Variants in CTNND2 observed in about 807,000 individuals in gnomAD.
CTNND2 encodes the protein catenin delta-2.
A neutral mutation model predicts 144.4 loss-of-function variants in CTNND2; 22 were observed. The observed-to-expected ratio is 0.15, with a 90% CI of 0.11 to 0.22. The LOEUF is 0.22. CTNND2 is among the 10% of genes least tolerant of loss of function. The pLI, the probability that CTNND2 is intolerant of heterozygous loss-of-function variation, is 1.00. For synonymous variants in CTNND2, 751 were observed against 695.6 expected (o/e 1.08, Z -1.25); for missense variants, 1,353 against 1,618.8 (o/e 0.84, Z 2.82).
intron 9 of CTNND2, among the ~76,000 whole-genome samples, chr5:11,279,817 A>G (rs1001603603): frequency 5.3e-5 from 8 of 152,152 alleles, no homozygotes; most frequent in Non-Finnish European, 8.8e-5. Context: ...GGAGCAAGAG[A>G]GAGAGAGCAT....
chr5:11,818,004 T>A, intron 1 of CTNND2, among the ~76,000 whole-genome samples: 1 of 93,282 alleles, frequency 1.1e-5, no homozygotes, highest in African/African-American at 3.6e-5. Flanking sequence ...TTTTTTTTTT[T>A]CAGTTCTCCT....
intron 11 of CTNND2, among the ~76,000 whole-genome samples, chr5:11,181,872 T>C (rs1397883158): frequency 7.0e-6 from 1 of 143,338 alleles, no homozygotes; most frequent in Non-Finnish European, 1.5e-5. Context: ...GTGTTATGTG[T>C]GGCGTGTGTG....
intron 3 of CTNND2, among the ~76,000 whole-genome samples, chr5:11,468,940 C>T (rs933649429): frequency 6.6e-6 from 1 of 152,130 alleles, no homozygotes; most frequent in Non-Finnish European, 1.5e-5. Context: ...AGGGTTTCTA[C>T]ATAAGTCTCC....
At chr5:11,483,273 TACCATTTCCTG>T (rs1222680413) in intron 3 of CTNND2, among the ~76,000 whole-genome samples, 1 of 152,154 alleles carries the variant, frequency 6.6e-6, no homozygotes, top group African/African-American at 2.4e-5. Context: ...AGCATGGAAT[TACCATTTCCTG>T]ACCTGGGAAA....
intron 3 of CTNND2, among the ~76,000 whole-genome samples, chr5:11,503,909 G>C (rs1770758964): frequency 6.6e-6 from 1 of 152,072 alleles, no homozygotes; most frequent in Non-Finnish European, 1.5e-5. Flanking sequence ...TCTGATCTTG[G>C]GAGAATGAGC....
At chr5:11,373,112 C>T (rs1447595620) in intron 7 of CTNND2, among the ~76,000 whole-genome samples, 3 of 152,254 alleles carry the variant, frequency 2.0e-5, no homozygotes, top group East Asian at 3.8e-4. Flanking sequence ...ACCATTCTAT[C>T]AGCTGCTGCA....
At chr5:11,233,548 A>T (rs1324360967) in intron 10 of CTNND2, among the ~76,000 whole-genome samples, 1 of 152,184 alleles carries the variant, frequency 6.6e-6, no homozygotes, top group Non-Finnish European at 1.5e-5. Flanking sequence ...GTGCCTGCAA[A>T]ATTAGTATTT....
Position 11,407,283 on chromosome 5 carries a change from CTAGTTTGTTTA to C in CTNND2, c.439+4242_439+4252del, listed in dbSNP as rs547245879. On this transcript the variant is annotated intron_variant, in intron 5 of 21. Transcript: ENST00000304623. ...AACAATTCTCCTAGTGACTCAGTGACTAGTTTGTTTAACAATATTTGTTAAAATTGAAATTA... is the reference window on the plus strand; with the variant it reads ...AACAATTCTCCTAGTGACTCAGTGACACAATATTTGTTAAAATTGAAATTA... 7.8e-3 allele frequency among the ~76,000 whole-genome samples: 1,187 copies of C among 152,246 alleles called. 22 individuals are homozygous for C. The highest frequency in any genetic ancestry group is 0.027 in the African/African-American group (1,104 of 41,536).
chr5:11,256,078 A>G (rs1693959792), intron 9 of CTNND2, among the ~76,000 whole-genome samples: 1 of 152,142 alleles, frequency 6.6e-6, no homozygotes, highest in South Asian at 2.1e-4. Context: ...TCTTTGGTGC[A>G]TGCCCTGTGC....
chr5:11,149,269 T>C (rs1757527969), intron 12 of CTNND2, among the ~76,000 whole-genome samples: 1 of 152,226 alleles, frequency 6.6e-6, no homozygotes, highest in African/African-American at 2.4e-5. Flanking sequence ...GGTGACGCTT[T>C]CCTTTGGCAG....
chr5:11,564,905 A>C, intron 3 of CTNND2, 39 bp downstream of exon 3: 1 of 1,370,712 alleles, frequency 7.3e-7, no homozygotes. Flanking sequence ...TTGCAGGGGC[A>C]ACTCAAAGCA....
At chr5:11,823,715 A>C (rs2126946499) in intron 1 of CTNND2, among the ~76,000 whole-genome samples, 1 of 152,312 alleles carries the variant, frequency 6.6e-6, no homozygotes, top group Middle Eastern at 3.4e-3. Flanking sequence ...ATTAGGTACC[A>C]TGGTAATATC....
chr5:11,677,644 G>T (rs1054570021), intron 2 of CTNND2, among the ~76,000 whole-genome samples: 5 of 152,070 alleles, frequency 3.3e-5, no homozygotes, highest in African/African-American at 1.2e-4. Context: ...ACAACACACG[G>T]TTATGAAACC....
chr5:11,355,630 G>A (rs1436453521), intron 8 of CTNND2, among the ~76,000 whole-genome samples: 1 of 152,120 alleles, frequency 6.6e-6, no homozygotes. Flanking sequence ...ACAAGACAAG[G>A]ATGCCCACTT....
At chr5:11,740,784 C>T (rs997793864) in intron 1 of CTNND2, among the ~76,000 whole-genome samples, 1 of 152,180 alleles carries the variant, frequency 6.6e-6, no homozygotes, top group Non-Finnish European at 1.5e-5. Flanking sequence ...TTTTTGCAAT[C>T]TACCCATCTG....
At chr5:11,718,882 T>C (rs140751373) in intron 2 of CTNND2, among the ~76,000 whole-genome samples, 106 of 152,282 alleles carry the variant, frequency 7.0e-4, no homozygotes, top group Middle Eastern at 3.4e-3. Context: ...GATTCACCAT[T>C]GGATTTCCTG....
intron 14 of CTNND2, among the ~76,000 whole-genome samples, chr5:11,106,860 A>C (rs980269802): frequency 1.3e-5 from 2 of 152,024 alleles, no homozygotes; most frequent in Admixed American, 1.3e-4. Context: ...TGATGTGTGC[A>C]ACTTCTGGGT....
intron 1 of CTNND2, among the ~76,000 whole-genome samples, chr5:11,742,173 A>T (rs1788055404): frequency 6.6e-6 from 1 of 152,050 alleles, no homozygotes; most frequent in South Asian, 2.1e-4. Context: ...GTAACCAACC[A>T]CCACCTGTTA....
chr5:11,331,847 T>A (rs1753170219), intron 9 of CTNND2, among the ~76,000 whole-genome samples: 2 of 152,192 alleles, frequency 1.3e-5, no homozygotes, highest in Non-Finnish European at 2.9e-5. Flanking sequence ...GTTCTGGTGT[T>A]CTATTGCACA....
Sources: allele counts gnomAD v4.1 joint callset (sites outside exome capture counted in the v4.1 genomes callset), GRCh38; gene constraint gnomAD v4.1.1; transcripts MANE v1.5; gene names NCBI Gene and HGNC (gene_info 2026-07-23, HGNC 2026-07-21).